SLC26A7: variants seen among roughly 807,000 people sequenced by gnomAD.
SLC26A7 encodes anion exchange transporter.
A neutral mutation model predicts 82.5 loss-of-function variants in SLC26A7; 59 were observed. The ratio of observed to expected loss-of-function variants is 0.72; its 90% confidence interval spans 0.58 to 0.89. The LOEUF (loss-of-function observed/expected upper bound fraction) is 0.89. Among genes scored for constraint, SLC26A7 ranks in the 40% least tolerant of loss-of-function variants. The pLI, the probability that SLC26A7 is intolerant of heterozygous loss-of-function variation, is 0.00. For missense variants in SLC26A7, 820 were observed against 793.0 expected (o/e 1.03, Z -0.41); for synonymous variants, 271 against 274.3 (o/e 0.99, Z 0.12).
chr8:91,353,134 C>T, intron 11 of SLC26A7, 138 bp downstream of exon 11: 3 of 469,532 alleles, frequency 6.4e-6, no homozygotes, highest in Non-Finnish European at 1.1e-5. Context: ...ATTTTTTTTC[C>T]AAAATCTTAA....
At position 91,302,264 on chromosome 8, in the gene SLC26A7, T is replaced by C. The variant is rs111494027; in HGVS notation, c.477+6561T>C. On this transcript the variant is annotated intron_variant, in intron 4 of 18. Transcript: ENST00000276609. ...TCACTTTTTTGCCTTTTTGATTTTT[T>C]TTGCACTGACTGAGAAAGGTGTGTT... 1.5e-3 allele frequency among the ~76,000 whole-genome samples: 230 copies of C among 152,182 alleles called. 2 individuals carry two copies. Among genetic ancestry groups the C allele is most frequent in the African/African-American group, 5.5e-3 (227 of 41,562 alleles).
chr8:91,275,027 G>C (rs1811370250), intron 2 of SLC26A7, among the ~76,000 whole-genome samples: 1 of 152,046 alleles, frequency 6.6e-6, no homozygotes, highest in African/African-American at 2.4e-5. Flanking sequence ...GGTACTCTAT[G>C]CATAAATGCG....
chr8:91,363,537 G>A lies in SLC26A7; in HGVS notation c.1487G>A (p.Ser496Asn). The change falls in exon 13 of 19, where the codon AGT (serine) becomes AAT (asparagine). Residue 496 changes from serine to asparagine, a missense_variant and splice_region_variant. Transcript: ENST00000276609. ...TTTAAAGTGAAGACAGAAATGGACA[G>A]TGTAAGTTTAGTTTTATTTTTCCTT... ...MEFKVKTEMD[S>N]ETLQQVKIIS... The A allele has an allele frequency of 6.8e-7, 1 of 1,470,532 alleles. No homozygotes were observed. The allele number at this position is 1,470,532 out of a possible 1,614,324, so 91.1% of individuals were successfully genotyped here.
At chr8:91,341,147 C>G (rs887430616) in intron 8 of SLC26A7, among the ~76,000 whole-genome samples, 8 of 152,014 alleles carry the variant, frequency 5.3e-5, no homozygotes, top group Admixed American at 2.0e-4. Flanking sequence ...CTCCCCCCAC[C>G]CCACAACAGT....
intron 2 of SLC26A7, among the ~76,000 whole-genome samples, chr8:91,272,333 G>A (rs1474828023): frequency 1.3e-5 from 2 of 152,186 alleles, no homozygotes; most frequent in Non-Finnish European, 2.9e-5. Context: ...ATAAATTGAA[G>A]TAATTCTTAG....
intron 5 of SLC26A7, among the ~76,000 whole-genome samples, chr8:91,334,075 C>A (rs910862048): frequency 6.6e-6 from 1 of 152,092 alleles, no homozygotes; most frequent in South Asian, 2.1e-4. Context: ...TAGGAAGGTG[C>A]AAAACCTGAG....
At chr8:91,287,618 C>T (rs1811746827) in intron 2 of SLC26A7, among the ~76,000 whole-genome samples, 1 of 152,206 alleles carries the variant, frequency 6.6e-6, no homozygotes, top group African/African-American at 2.4e-5. Context: ...GTGCGAGCTA[C>T]ATTTTTTTCT....
At chr8:91,388,706 C>T (rs925406111) in intron 15 of SLC26A7, among the ~76,000 whole-genome samples, 3 of 152,046 alleles carry the variant, frequency 2.0e-5, no homozygotes, top group Non-Finnish European at 2.9e-5. Flanking sequence ...CTAAGAATAT[C>T]AGTCAAAAAG....
chr8:91,271,486 C>T (rs563980104), intron 2 of SLC26A7, among the ~76,000 whole-genome samples: 1 of 152,094 alleles, frequency 6.6e-6, no homozygotes, highest in South Asian at 2.1e-4. Context: ...TTCTTATATA[C>T]TTTCTTCATC....
At chr8:91,388,840 G>A (rs1405683743) in intron 15 of SLC26A7, among the ~76,000 whole-genome samples, 1 of 152,050 alleles carries the variant, frequency 6.6e-6, no homozygotes, top group African/African-American at 2.4e-5. Flanking sequence ...CAAGGCTGTG[G>A]GACAAGCCCT....
At chr8:91,227,233 G>C (rs1405200812) in intron 2 of SLC26A7, among the ~76,000 whole-genome samples, 1 of 152,160 alleles carries the variant, frequency 6.6e-6, no homozygotes, top group Non-Finnish European at 1.5e-5. Flanking sequence ...AGCAACTGGA[G>C]AAATAACTTC....
intron 5 of SLC26A7, among the ~76,000 whole-genome samples, chr8:91,320,668 T>C (rs1020205298): frequency 2.7e-4 from 41 of 152,194 alleles, no homozygotes; most frequent in African/African-American, 9.4e-4. Flanking sequence ...CATTTAAGTG[T>C]TACATAAAGA....
intron 6 of SLC26A7, 81 bp from the exon 7 acceptor site, chr8:91,338,069 T>C (rs1169907847): frequency 2.3e-6 from 2 of 856,324 alleles, no homozygotes; most frequent in Non-Finnish European, 3.4e-6. Context: ...GAGAACAATG[T>C]TTACTTTTAA....
rs770162202 is a variant in SLC26A7, at chr8:91,351,848, C to G, written c.1179C>G (p.Val393=). ...TATCTTGCATTTTCGTCCTTATAGT[C>G]ATCTATGCAATAGGACCTTTGCTTT... is the stretch of plus-strand genomic sequence containing the variant. ...CLISCIFVLI[V]IYAIGPLLYW... is the part of the protein sequence containing the mutation. The change falls in exon 10 of 19, where the codon GTC becomes GTG. Residue 393 remains valine, a synonymous_variant. Transcript: ENST00000276609. 1.2e-6 allele frequency: 2 copies of G among 1,612,622 alleles called. No individual in the cohort carries two copies. The highest frequency in any genetic ancestry group is 1.1e-5 in the South Asian group (1 of 91,046).
chr8:91,245,423 C>A (rs1375368234), upstream of SLC26A7, among the ~76,000 whole-genome samples: 1 of 152,092 alleles, frequency 6.6e-6, no homozygotes, highest in Non-Finnish European at 1.5e-5. Context: ...AGACTTGATA[C>A]AAATTACGCA....
At chr8:91,333,423 A>T (rs1165855351) in intron 5 of SLC26A7, among the ~76,000 whole-genome samples, 1 of 152,138 alleles carries the variant, frequency 6.6e-6, no homozygotes, top group African/African-American at 2.4e-5. Flanking sequence ...TTTCTTGACC[A>T]TACTTTTCAG....
chr8:91,239,202 C>G (rs1810432755), intron 2 of SLC26A7, among the ~76,000 whole-genome samples: 1 of 151,574 alleles, frequency 6.6e-6, no homozygotes, highest in African/African-American at 2.4e-5. Context: ...AACCCCGTCT[C>G]TACTAAAAAT....
chr8:91,395,296 G>C lies in SLC26A7; in HGVS notation c.*199G>C, dbSNP rs9297895. 8.4e-6 allele frequency: 11 copies of C among 1,316,518 alleles called. No individual in the cohort carries two copies. The highest frequency in any genetic ancestry group is 9.8e-6 in the Non-Finnish European group (10 of 1,021,174). The allele number at this position is 1,316,518 out of a possible 1,614,324, so 81.6% of individuals were successfully genotyped here. On this transcript the variant is annotated 3_prime_UTR_variant, in exon 19 of 19. Coordinates refer to ENST00000276609, the MANE Select transcript of SLC26A7 (RefSeq NM_052832.4). ...CTCATTTTTGTTAGTAAGAAGATTC[G>C]CTTAGTTATTTTATGTAAAAATCAG...
chr8:91,260,867 T>C (rs1340564432), intron 2 of SLC26A7, among the ~76,000 whole-genome samples: 2 of 152,108 alleles, frequency 1.3e-5, no homozygotes, highest in Non-Finnish European at 2.9e-5. Flanking sequence ...AGAGTAATAA[T>C]GGTTGTCTGT....
Sources: gnomAD v4.1 joint callset for allele counts (sites outside exome capture counted in the v4.1 genomes callset) on GRCh38, gnomAD v4.1.1 for gene constraint, MANE v1.5 for transcripts, NCBI Gene and HGNC (gene_info 2026-07-23, HGNC 2026-07-21) for gene names.